ST6GALNAC3: variants seen among roughly 807,000 people sequenced by gnomAD.
ST6GALNAC3 encodes the protein alpha-N-acetylgalactosaminide alpha-2,6-sialyltransferase 3.
ST6GALNAC3 carries 25 observed loss-of-function variants against 32.7 expected under a neutral mutation model. That is an observed-to-expected ratio of 0.76 (90% CI 0.56 to 1.07). The LOEUF (loss-of-function observed/expected upper bound fraction) is 1.07, where lower values mean the gene tolerates loss of function less well. ST6GALNAC3 is among the 50% of genes least tolerant of loss of function. The pLI, the probability that ST6GALNAC3 is intolerant of heterozygous loss-of-function variation, is 0.00. For missense variants in ST6GALNAC3, 355 were observed against 382.4 expected (o/e 0.93, Z 0.60); for synonymous variants, 129 against 133.1 (o/e 0.97, Z 0.21).
intron 2 of ST6GALNAC3, among the ~76,000 whole-genome samples, chr1:76,402,661 C>G (rs965433850): frequency 6.6e-6 from 1 of 152,138 alleles, no homozygotes; most frequent in Non-Finnish European, 1.5e-5. Context: ...CTCTCTTACT[C>G]AAAATATTCT....
At chr1:76,142,604 G>A (rs1255258179) in intron 1 of ST6GALNAC3, among the ~76,000 whole-genome samples, 1 of 152,200 alleles carries the variant, frequency 6.6e-6, no homozygotes, top group Admixed American at 6.5e-5. Context: ...AGAAAGAAGG[G>A]AAGACAGTCA....
chr1:76,466,789 A>G (rs1057050464), intron 3 of ST6GALNAC3, among the ~76,000 whole-genome samples: 15 of 152,084 alleles, frequency 9.9e-5, no homozygotes, highest in Admixed American at 2.6e-4. Flanking sequence ...CTAATTGGCA[A>G]CGTTTAAAAT....
chr1:76,479,936 T>A (rs1659615673), intron 3 of ST6GALNAC3, among the ~76,000 whole-genome samples: 4 of 152,008 alleles, frequency 2.6e-5, no homozygotes, highest in African/African-American at 9.7e-5. Context: ...AAAAAGCAAA[T>A]AATCTTTAAA....
intron 3 of ST6GALNAC3, among the ~76,000 whole-genome samples, chr1:76,413,507 A>C (rs1654410335): frequency 6.6e-6 from 1 of 152,116 alleles, no homozygotes; most frequent in Admixed American, 6.6e-5. Flanking sequence ...AGGGAGGTGC[A>C]GTTTCTGATA....
intron 1 of ST6GALNAC3, among the ~76,000 whole-genome samples, chr1:76,077,170 A>G (rs1350437803): frequency 2.0e-5 from 3 of 152,162 alleles, no homozygotes; most frequent in African/African-American, 7.2e-5. Context: ...CAGCTGCTGC[A>G]ACCTGGAGCC....
chr1:76,277,688 C>T (rs1557747558), intron 1 of ST6GALNAC3, among the ~76,000 whole-genome samples: 2 of 150,820 alleles, frequency 1.3e-5, no homozygotes, highest in Non-Finnish European at 3.0e-5. Flanking sequence ...ATGTCTTTAA[C>T]TTAACGTGAA....
chr1:76,383,467 G>A (rs1346056168), intron 2 of ST6GALNAC3, among the ~76,000 whole-genome samples: 1 of 143,136 alleles, frequency 7.0e-6, no homozygotes, highest in African/African-American at 2.6e-5. Flanking sequence ...TGTAGAGGCA[G>A]GGTCTCTCTA....
intron 1 of ST6GALNAC3, among the ~76,000 whole-genome samples, chr1:76,299,245 A>G (rs1421632060): frequency 1.3e-5 from 2 of 152,014 alleles, no homozygotes; most frequent in Admixed American, 6.6e-5. Context: ...TTCTTGCTGC[A>G]CTAGGGCAAT....
chr1:76,156,217 CGTT>C lies in ST6GALNAC3; in HGVS notation c.18+81336_18+81338del, dbSNP rs546957464. Reference sequence around the variant, plus strand: ...GGTACATATTATTAACATGATTTAACGTTGTAGATGTTGAACGTCATCACCTCG... The same window carrying C: ...GGTACATATTATTAACATGATTTAACGTAGATGTTGAACGTCATCACCTCG... On this transcript the variant is annotated intron_variant, in intron 1 of 4. Coordinates refer to ENST00000328299, the MANE Select transcript of ST6GALNAC3 (RefSeq NM_152996.4). 8.9e-4 allele frequency among the ~76,000 whole-genome samples: 135 copies of C among 152,214 alleles called. 2 individuals are homozygous for C. Among genetic ancestry groups the C allele is most frequent in the Middle Eastern group, 3.4e-3 (1 of 294 alleles).
At chr1:76,465,893 A>G (rs1658593724) in intron 3 of ST6GALNAC3, among the ~76,000 whole-genome samples, 1 of 151,950 alleles carries the variant, frequency 6.6e-6, no homozygotes, top group Non-Finnish European at 1.5e-5. Context: ...CTCTCAGATT[A>G]TTTTCTTTAA....
chr1:76,449,173 T>C (rs965118518), intron 3 of ST6GALNAC3, among the ~76,000 whole-genome samples: 2 of 152,234 alleles, frequency 1.3e-5, no homozygotes, highest in Non-Finnish European at 2.9e-5. Flanking sequence ...ACACATAGTA[T>C]GTTAAGTTTT....
At chr1:76,526,579 T>C (rs1662925130) in intron 3 of ST6GALNAC3, among the ~76,000 whole-genome samples, 1 of 152,138 alleles carries the variant, frequency 6.6e-6, no homozygotes, top group South Asian at 2.1e-4. Flanking sequence ...ATTAGCTTTA[T>C]GTATTTCTTG....
At position 76,589,391 on chromosome 1, in the gene ST6GALNAC3, C is replaced by T. The variant is rs185337630; in HGVS notation, c.624-38061C>T. On this transcript the variant is annotated intron_variant, in intron 3 of 4. Transcript: ENST00000328299. ...TTCCTGACATAAGTCTCATTTCTAA[C>T]CAACAGACCTTCCCAGCACCCTGGT... Among the ~76,000 whole-genome samples the T allele has an allele frequency of 2.8e-4, 42 of 152,154 alleles. No homozygotes were observed. The East Asian group carries it at 6.4e-3, about 23-fold the overall frequency.
chr1:76,592,626 C>T (rs553858407), intron 3 of ST6GALNAC3, among the ~76,000 whole-genome samples: 12 of 152,232 alleles, frequency 7.9e-5, no homozygotes, highest in African/African-American at 2.2e-4. Context: ...GGCTCTATCA[C>T]CGCCCACTCC....
At chr1:76,124,267 G>T (rs950435606) in intron 1 of ST6GALNAC3, among the ~76,000 whole-genome samples, 1 of 132,802 alleles carries the variant, frequency 7.5e-6, no homozygotes, top group African/African-American at 2.5e-5. Context: ...TGAAATGGAG[G>T]TAGAGAGCTG....
chr1:76,492,028 C>T (rs1309930900), intron 3 of ST6GALNAC3, among the ~76,000 whole-genome samples: 1 of 152,192 alleles, frequency 6.6e-6, no homozygotes, highest in African/African-American at 2.4e-5. Context: ...ATATACACAA[C>T]TGTCCTGTGG....
At chr1:76,378,661 C>CT (rs969116775) in intron 2 of ST6GALNAC3, among the ~76,000 whole-genome samples, 1 of 102,262 alleles carries the variant, frequency 9.8e-6, no homozygotes, top group African/African-American at 3.7e-5. Flanking sequence ...AAATTCCTTC[C>CT]CCCCCCCAAA....
At chr1:76,300,951 A>C (rs1660694953) in intron 1 of ST6GALNAC3, among the ~76,000 whole-genome samples, 1 of 151,964 alleles carries the variant, frequency 6.6e-6, no homozygotes, top group Non-Finnish European at 1.5e-5. Context: ...GAAAGAAGAC[A>C]TTGCATGAGG....
At chr1:76,216,595 C>G (rs1343875896) in intron 1 of ST6GALNAC3, among the ~76,000 whole-genome samples, 1 of 152,188 alleles carries the variant, frequency 6.6e-6, no homozygotes, top group East Asian at 1.9e-4. Context: ...TGACCACTTT[C>G]AAGCTTTTCT....
Sources: gnomAD v4.1 joint callset for allele counts (sites outside exome capture counted in the v4.1 genomes callset) on GRCh38, gnomAD v4.1.1 for gene constraint, MANE v1.5 for transcripts, NCBI Gene and HGNC (gene_info 2026-07-23, HGNC 2026-07-21) for gene names.